RNF130: variants seen among roughly 807,000 people sequenced by gnomAD.
The protein encoded by RNF130 is ring finger protein 130, also known as E3 ubiquitin-protein ligase RNF130.
In RNF130, 21 loss-of-function variants were observed where a neutral mutation model predicts 44.6. The observed-to-expected ratio is 0.47, with a 90% CI of 0.33 to 0.68. The LOEUF is 0.68. Ranked by LOEUF, RNF130 falls within the 30% of genes least tolerant of loss-of-function variation. The pLI is 0.02. For synonymous variants in RNF130, 214 were observed against 210.4 expected (o/e 1.02, Z -0.15); for missense variants, 479 against 560.6 (o/e 0.85, Z 1.47).
rs34934872 is a variant in RNF130 at position 179,929,747 on chromosome 5, C to CAAA, written c.1151-9324_1151-9322dup. Reference sequence around the variant, plus strand: ...TGGGTGACAGAGTGAGACTGTGTCTCAAAAAAAAAAAATTCTAGGATCAAT... The same window carrying CAAA: ...TGGGTGACAGAGTGAGACTGTGTCTCAAAAAAAAAAAAAAATTCTAGGATCAAT... On this transcript the variant is annotated intron_variant, in intron 7 of 7. Coordinates refer to the RNF130 transcript ENST00000522208. 4.6e-3 allele frequency among the ~76,000 whole-genome samples: 677 copies of CAAA among 147,968 alleles called. 1 individual carries two copies. Among genetic ancestry groups the CAAA allele is most frequent in the Admixed American group, 0.01 (155 of 14,868 alleles).
chr5:179,974,536 C>T (rs1762672588), intron 5 of RNF130, among the ~76,000 whole-genome samples: 1 of 152,208 alleles, frequency 6.6e-6, no homozygotes, highest in African/African-American at 2.4e-5. Flanking sequence ...AGCAGGCAAT[C>T]CATGAGCGGC....
At chr5:179,941,807 T>C (rs1052997899) in intron 7 of RNF130, among the ~76,000 whole-genome samples, 6 of 152,158 alleles carry the variant, frequency 3.9e-5, no homozygotes, top group Non-Finnish European at 8.8e-5. Flanking sequence ...TAGTCTGACA[T>C]TACCAGAAAG....
At chr5:179,994,427 T>A (rs531501710) in intron 3 of RNF130, among the ~76,000 whole-genome samples, 99 of 152,300 alleles carry the variant, frequency 6.5e-4, no homozygotes, top group African/African-American at 2.3e-3. Flanking sequence ...AGGTCCTTCA[T>A]CCCTTGTAAG....
intron 3 of RNF130, among the ~76,000 whole-genome samples, chr5:180,004,460 A>G (rs1763418540): frequency 6.6e-6 from 1 of 152,206 alleles, no homozygotes; most frequent in African/African-American, 2.4e-5. Flanking sequence ...AAGTATTCGG[A>G]CTAGGACCAT....
intron 1 of RNF130, among the ~76,000 whole-genome samples, chr5:180,045,707 T>C (rs936122488): frequency 2.0e-5 from 3 of 152,192 alleles, no homozygotes; most frequent in Non-Finnish European, 4.4e-5. Context: ...TTTACAAACC[T>C]TGAGTTAGAC....
chr5:179,934,078 G>A (rs1187645186), intron 7 of RNF130: 4 of 247,864 alleles, frequency 1.6e-5, no homozygotes, highest in Non-Finnish European at 3.1e-5. Flanking sequence ...CTTCATCACC[G>A]CAGTTAGAAA....
Position 179,962,241 on chromosome 5 carries a change from C to T in RNF130, c.1244+1230G>A, listed in dbSNP as rs1040373245. On this transcript the variant is annotated intron_variant, in intron 8 of 8. Transcript: ENST00000521389. ...CCACCCGACCCTGACATCTGTGAGC[C>T]TCAACATGTATGGCTCACAGATGCC... Among the ~76,000 whole-genome samples, 4 of 152,200 alleles carry T rather than the reference C, an allele frequency of 2.6e-5. No homozygotes were observed. In the East Asian group the frequency reaches 7.7e-4, roughly 29 times the overall value.
chr5:179,919,523 A>G (rs459782), exon 8 of RNF130: 69,807 of 151,940 alleles, frequency 0.46, 16,615 homozygotes, highest in East Asian at 0.75. Flanking sequence ...CTGGGCTCCC[A>G]GGTGCCACCT....
At chr5:180,027,258 G>C (rs1332936335) in intron 2 of RNF130, among the ~76,000 whole-genome samples, 1 of 152,150 alleles carries the variant, frequency 6.6e-6, no homozygotes, top group Non-Finnish European at 1.5e-5. Flanking sequence ...TCTGACACCA[G>C]GGTTCTTGAA....
intron 5 of RNF130, among the ~76,000 whole-genome samples, chr5:179,974,175 C>A (rs1398561622): frequency 2.6e-5 from 4 of 152,190 alleles, no homozygotes; most frequent in Non-Finnish European, 5.9e-5. Context: ...CTGGGGCTGG[C>A]AGCAGTCTCT....
intron 1 of RNF130, among the ~76,000 whole-genome samples, chr5:180,062,573 T>C (rs990071723): frequency 1.3e-5 from 2 of 152,234 alleles, no homozygotes; most frequent in African/African-American, 2.4e-5. Flanking sequence ...AGGTTTAAGA[T>C]ACCATATTCC....
chr5:179,958,142 G>C (rs1354031587), intron 8 of RNF130, among the ~76,000 whole-genome samples: 1 of 152,202 alleles, frequency 6.6e-6, no homozygotes, highest in African/African-American at 2.4e-5. Context: ...CTCCCAAAGT[G>C]CTGGGATTAT....
At chr5:180,022,419 G>C (rs1021592532) in intron 2 of RNF130, among the ~76,000 whole-genome samples, 3 of 152,208 alleles carry the variant, frequency 2.0e-5, no homozygotes, top group African/African-American at 7.2e-5. Context: ...ATAAGACCCT[G>C]TGTACAGAGC....
intron 1 of RNF130, among the ~76,000 whole-genome samples, chr5:180,058,094 T>A (rs1339855033): frequency 6.6e-6 from 1 of 152,084 alleles, no homozygotes; most frequent in Non-Finnish European, 1.5e-5. Context: ...ACACATAAGT[T>A]AAGGAACAGG....
intron 2 of RNF130, among the ~76,000 whole-genome samples, chr5:180,037,223 C>T (rs907554499): frequency 6.6e-6 from 1 of 152,172 alleles, no homozygotes; most frequent in Non-Finnish European, 1.5e-5. Context: ...TCCTACGTGT[C>T]GTCCATGCAC....
rs759147292 is a variant in RNF130, at chr5:179,980,168, G to T, written c.726C>A (p.Ile242=). 31 of 1,613,926 alleles carry T rather than the reference G, an allele frequency of 1.9e-5. No homozygotes were observed. The highest frequency in any genetic ancestry group is 2.5e-5 in the Non-Finnish European group (29 of 1,179,986). Residue 242 remains isoleucine, a synonymous_variant, in exon 4 of 9, where the codon ATC becomes ATA. Coordinates refer to ENST00000521389, the MANE Select transcript of RNF130 (RefSeq NM_018434.6). ...RRLGDAAKKA[I]SKLTTRTVKK... ...TTACTGTCCTGGTTGTCAATTTACT[G>T]ATGGCTTTCTTGGCTGCATCTCCGA... is the stretch of plus-strand genomic sequence containing the variant.
intron 3 of RNF130, among the ~76,000 whole-genome samples, chr5:179,991,373 G>C (rs1763078847): frequency 6.6e-6 from 1 of 152,170 alleles, no homozygotes; most frequent in South Asian, 2.1e-4. Context: ...TCTTGTATCT[G>C]AATGACTAGA....
intron 1 of RNF130, among the ~76,000 whole-genome samples, chr5:180,062,797 T>C (rs1371711935): frequency 1.3e-5 from 2 of 152,190 alleles, no homozygotes; most frequent in Admixed American, 6.5e-5. Context: ...AAGCCTCAGA[T>C]GGGGGACTTG....
intron 3 of RNF130, among the ~76,000 whole-genome samples, chr5:180,004,965 CT>C (rs1056078902): frequency 2.0e-5 from 3 of 152,136 alleles, no homozygotes; most frequent in African/African-American, 7.2e-5. Flanking sequence ...TCTGTTAACT[CT>C]TTTGCAAGAC....
Sources: gnomAD v4.1 joint callset for allele counts (sites outside exome capture counted in the v4.1 genomes callset) on GRCh38, gnomAD v4.1.1 for gene constraint, MANE v1.5 for transcripts, NCBI Gene and HGNC (gene_info 2026-07-23, HGNC 2026-07-21) for gene names.